Variants in R3HDM1 observed in about 807,000 individuals in gnomAD.
R3HDM1 encodes R3H domain-containing protein 1.
R3HDM1 carries 46 observed loss-of-function variants against 141.1 expected under a neutral mutation model. That is an observed-to-expected ratio of 0.33 (90% CI 0.26 to 0.42). R3HDM1 has a LOEUF of 0.42. R3HDM1 is among the 10% of genes least tolerant of loss of function. The pLI is 1.00. For synonymous variants in R3HDM1, 435 were observed against 472.9 expected (o/e 0.92, Z 1.04); for missense variants, 1,184 against 1,368.3 (o/e 0.87, Z 2.12).
intron 20 of R3HDM1, among the ~76,000 whole-genome samples, chr2:135,679,607 G>C (rs1442720921): frequency 6.6e-6 from 1 of 152,160 alleles, no homozygotes; most frequent in Non-Finnish European, 1.5e-5. Flanking sequence ...ATCCTTATGT[G>C]GAAAGTTTCT....
intron 1 of R3HDM1, among the ~76,000 whole-genome samples, chr2:135,581,908 G>A (rs1655619007): frequency 6.6e-6 from 1 of 152,066 alleles, no homozygotes; most frequent in Non-Finnish European, 1.5e-5. Flanking sequence ...GAAGTATATT[G>A]ACTCTAAGCC....
chr2:135,600,103 A>ATTTTT (rs1047714227), intron 1 of R3HDM1, among the ~76,000 whole-genome samples: 233 of 93,504 alleles, frequency 2.5e-3, no homozygotes, highest in African/African-American at 2.9e-3. Flanking sequence ...AGTTCGTATG[A>ATTTTT]TTTTTTTTTT....
intron 15 of R3HDM1, among the ~76,000 whole-genome samples, chr2:135,642,563 G>A (rs1306536945): frequency 6.6e-6 from 1 of 152,086 alleles, no homozygotes; most frequent in African/African-American, 2.4e-5. Context: ...AAGATCACAA[G>A]AAGTCTTGAT....
intron 1 of R3HDM1, among the ~76,000 whole-genome samples, chr2:135,559,912 T>C (rs1701477945): frequency 6.6e-6 from 1 of 152,198 alleles, no homozygotes; most frequent in Non-Finnish European, 1.5e-5. Flanking sequence ...TAATTTATGC[T>C]ATGCGCAGTA....
chr2:135,535,777 G>A (rs887070564), intron 1 of R3HDM1, among the ~76,000 whole-genome samples: 7 of 152,120 alleles, frequency 4.6e-5, no homozygotes, highest in Middle Eastern at 3.2e-3. Context: ...CTAATGAGAC[G>A]TTAGCATCAA....
chr2:135,646,819 G>T (rs1382346276), intron 16 of R3HDM1, among the ~76,000 whole-genome samples: 1 of 149,756 alleles, frequency 6.7e-6, no homozygotes, highest in African/African-American at 2.5e-5. Flanking sequence ...CTCCAGCCTG[G>T]GTAACAGAGT....
chr2:135,599,642 A>C (rs765894148), intron 1 of R3HDM1, among the ~76,000 whole-genome samples: 2 of 152,206 alleles, frequency 1.3e-5, no homozygotes, highest in Non-Finnish European at 2.9e-5. Flanking sequence ...TCATGGGTTT[A>C]CCAAAAAGGG....
intron 1 of R3HDM1, among the ~76,000 whole-genome samples, chr2:135,567,718 A>G (rs532350670): frequency 8.6e-5 from 13 of 151,390 alleles, no homozygotes; most frequent in African/African-American, 2.7e-4. Context: ...TATTTTTTCT[A>G]TTTTTACCTT....
intron 1 of R3HDM1, among the ~76,000 whole-genome samples, chr2:135,588,336 C>G (rs944568650): frequency 3.3e-5 from 5 of 152,064 alleles, no homozygotes; most frequent in African/African-American, 9.7e-5. Context: ...ACACCTCTTT[C>G]AGTCTCTCTG....
chr2:135,555,674 A>G (rs776347304), intron 1 of R3HDM1, among the ~76,000 whole-genome samples: 11 of 152,372 alleles, frequency 7.2e-5, no homozygotes, highest in African/African-American at 1.9e-4. Flanking sequence ...ATGTCCGTCA[A>G]CTGATGAATG....
At position 135,724,215 on chromosome 2, in the gene R3HDM1, T is replaced by G. The variant is rs190617868; in HGVS notation, c.3328T>G (p.Ser1110Ala). The G allele has an allele frequency of 1.2e-5, 20 of 1,614,030 alleles. No homozygotes were observed. In the East Asian group the frequency reaches 4.2e-4, roughly 34 times the overall value. Residue 1110 changes from serine (S) to alanine (A), a missense_variant, in exon 27 of 27, where the codon TCA becomes GCA. By Grantham distance (99) the Ser-to-Ala change is moderately conservative (BLOSUM62 1). This residue lies in a region of R3HDM1 where 182 missense variants were observed against 252.6 expected (regional missense o/e 0.72). Transcript: ENST00000683871. Reference sequence around the variant, plus strand: ...GAATGCACTGAAGAAACAAATTAACTCAGTTAACAAGTTTAAGCTGAGAAC... The same window carrying G: ...GAATGCACTGAAGAAACAAATTAACGCAGTTAACAAGTTTAAGCTGAGAAC... ...AQNALKKQIN[S>A]VNKFKLRTSK...
At chr2:135,703,660 G>T (rs1345392365) in intron 21 of R3HDM1, among the ~76,000 whole-genome samples, 3 of 151,812 alleles carry the variant, frequency 2.0e-5, no homozygotes, top group Non-Finnish European at 4.4e-5. Context: ...GAATAGATGA[G>T]CTATAAATTA....
chr2:135,550,301 C>A, intron 1 of R3HDM1: 1 of 893,214 alleles, frequency 1.1e-6, no homozygotes, highest in South Asian at 5.2e-5. Flanking sequence ...ATGGAAATTT[C>A]TTTATGCCTT....
intron 1 of R3HDM1, among the ~76,000 whole-genome samples, chr2:135,578,152 G>A (rs974967218): frequency 1.3e-5 from 2 of 152,176 alleles, no homozygotes; most frequent in Non-Finnish European, 2.9e-5. Flanking sequence ...ATGAATAGAT[G>A]ATGGTACAGC....
At position 135,699,029 on chromosome 2, in the gene R3HDM1, A is replaced by T. The variant is rs575526402; in HGVS notation, c.2460-10404A>T. On this transcript the variant is annotated intron_variant, in intron 21 of 26. Coordinates refer to ENST00000683871, the MANE Select transcript of R3HDM1 (RefSeq NM_001378107.1). ...TAGATAGATAGATAGATAGATAGAT[A>T]GATAGATAGATAGATAAGATAGATA... 7.0e-3 allele frequency among the ~76,000 whole-genome samples: 819 copies of T among 117,622 alleles called. 8 individuals are homozygous for T. The highest frequency in any genetic ancestry group is 0.017 in the South Asian group (70 of 4,122). 77.2% of individuals were successfully genotyped at this position (117,622 alleles called of 152,430 possible).
At chr2:135,594,683 T>C (rs1710163943) in intron 1 of R3HDM1, among the ~76,000 whole-genome samples, 1 of 152,214 alleles carries the variant, frequency 6.6e-6, no homozygotes, top group African/African-American at 2.4e-5. Context: ...CCCTTCAGTA[T>C]CTTAGGATAA....
chr2:135,622,878 T>G, intron 7 of R3HDM1, 146 bp downstream of exon 7: 1 of 1,356,602 alleles, frequency 7.4e-7, no homozygotes, highest in Non-Finnish European at 9.5e-7. Context: ...AGGGCAAAGA[T>G]GTTGTTGGTC....
At chr2:135,719,469 C>A (rs1294263510) in intron 24 of R3HDM1, among the ~76,000 whole-genome samples, 1 of 150,766 alleles carries the variant, frequency 6.6e-6, no homozygotes, top group Non-Finnish European at 1.5e-5. Context: ...CAGAGCAAGA[C>A]TCTGTCTCAA....
At chr2:135,561,435 G>A in intron 1 of R3HDM1, 1 of 740,554 alleles carries the variant, frequency 1.4e-6, no homozygotes. Context: ...TGTTAAGCTT[G>A]GTGGGACGTG....
Sources: allele counts gnomAD v4.1 joint callset (sites outside exome capture counted in the v4.1 genomes callset), GRCh38; gene constraint gnomAD v4.1.1; regional missense constraint gnomAD v4.1.1; transcripts MANE v1.5; gene names NCBI Gene and HGNC (gene_info 2026-07-23, HGNC 2026-07-21).